The following SCN8A variants were observed in gnomAD, a reference collection of about 807,000 sequenced individuals.
The protein encoded by SCN8A is sodium channel protein type 8 subunit alpha.
Under a neutral mutation model 184.1 loss-of-function variants are expected in SCN8A, and 30 were observed. The ratio of observed to expected loss-of-function variants is 0.16; its 90% CI spans 0.12 to 0.22. The LOEUF is 0.22. SCN8A is among the 10% of genes least tolerant of loss of function. The pLI is 1.00. For synonymous variants in SCN8A, 852 were observed against 907.0 expected, an observed-to-expected ratio of 0.94 and a Z score of 1.09; for missense variants, 1,057 against 2,498.9, an observed-to-expected ratio of 0.42 and a Z score of 12.30.
chr12:51,626,139 A>C lies in SCN8A; in HGVS notation c.-55+34780A>C, dbSNP rs1281565095. The stretch of plus-strand genomic sequence containing the variant: ...CTTGGGAAAGGCAAGGCAGGGCAGG[A>C]GAAACAGGTTAGAATTGGCCAATTT... On this transcript the variant is annotated intron_variant, in intron 1 of 26. Transcript: ENST00000627620. Among the ~76,000 whole-genome samples the C allele has an allele frequency of 2.0e-5, 3 of 152,200 alleles. No individual in the cohort carries two copies. The East Asian group carries it at 5.8e-4, about 29-fold the overall frequency.
intron 11 of SCN8A, chr12:51,712,920 G>A (rs879025755): frequency 6.3e-7 from 1 of 1,588,564 alleles, no homozygotes; most frequent in Middle Eastern, 1.7e-4. Flanking sequence ...CACCTCCAAA[G>A]CTTCCTCCGC....
At chr12:51,778,739 A>G (rs549467318) in intron 20 of SCN8A, among the ~76,000 whole-genome samples, 1 of 152,308 alleles carries the variant, frequency 6.6e-6, no homozygotes, top group African/African-American at 2.4e-5. Context: ...TAGGATAGAG[A>G]TAAAAAGCAG....
intron 21 of SCN8A, among the ~76,000 whole-genome samples, chr12:51,786,124 G>GGTT: frequency 1.3e-5 from 2 of 152,096 alleles, no homozygotes; most frequent in Admixed American, 1.3e-4. Context: ...CTGTGATTTT[G>GGTT]AACAATTATA....
rs531164458 is a variant in SCN8A at position 51,638,634 on chromosome 12, G to A, written c.-54-24130G>A. 1.8e-3 allele frequency among the ~76,000 whole-genome samples: 268 copies of A among 151,964 alleles called. 1 individual carries two copies. Among genetic ancestry groups the A allele is most frequent in the African/African-American group, 6.2e-3 (256 of 41,438 alleles). ...CCTGAGTAGCTGGGACTACAGGCGC[G>A]TGCCACCACACCCAACTAATTTTTG... On this transcript the variant is annotated intron_variant, in intron 1 of 26. Transcript: ENST00000627620.
At chr12:51,729,061 G>A (rs113991264) in intron 12 of SCN8A, among the ~76,000 whole-genome samples, 2,982 of 152,188 alleles carry the variant, frequency 0.02, 62 homozygotes, top group Middle Eastern at 0.034. Flanking sequence ...TCTAAATAGC[G>A]TTTGCTTTTC....
At position 51,806,469 on chromosome 12, in the gene SCN8A, C is replaced by T. The variant is rs1938705533; in HGVS notation, c.4983C>T (p.Val1661=). The change falls in exon 27 of 27, where the codon GTC becomes GTT. Residue 1661 remains valine, a synonymous_variant. Coordinates refer to ENST00000627620, the MANE Select transcript of SCN8A (RefSeq NM_001330260.2). This position sits in a 1 kb window ranked among gnomAD's most constrained non-coding sequence, Gnocchi z 8.7. ...LFNIGLLLFL[V]MFIFSIFGMS... The stretch of plus-strand genomic sequence containing the variant: ...ACATCGGCCTTCTGCTCTTCCTGGT[C>T]ATGTTCATCTTCTCCATTTTTGGGA... 3.1e-6 allele frequency: 5 copies of T among 1,614,228 alleles called. No homozygotes were observed. Among genetic ancestry groups the T allele is most frequent in the Non-Finnish European group, 4.2e-6 (5 of 1,180,036 alleles).
intron 1 of SCN8A, among the ~76,000 whole-genome samples, chr12:51,615,310 T>C (rs1353063412): frequency 6.6e-6 from 1 of 152,154 alleles, no homozygotes; most frequent in Non-Finnish European, 1.5e-5. Context: ...ATCCAAACAC[T>C]TTGGGAGGCC....
intron 1 of SCN8A, among the ~76,000 whole-genome samples, chr12:51,634,973 A>G (rs1940283967): frequency 6.6e-6 from 1 of 152,180 alleles, no homozygotes; most frequent in Non-Finnish European, 1.5e-5. Context: ...TTAAAGCCAA[A>G]GAATGTTATT....
chr12:51,748,210 G>C (rs1176852882), intron 13 of SCN8A, among the ~76,000 whole-genome samples: 1 of 152,180 alleles, frequency 6.6e-6, no homozygotes, highest in Non-Finnish European at 1.5e-5. Context: ...ACGAATTGTA[G>C]TTCTTGCTCT....
chr12:51,706,816 C>T (rs960716437), intron 11 of SCN8A, 101 bp downstream of exon 11: 44 of 856,256 alleles, frequency 5.1e-5, no homozygotes, highest in Admixed American at 1.6e-4. Context: ...TTAAGTGTAC[C>T]GTTCAGTGTT....
intron 2 of SCN8A, among the ~76,000 whole-genome samples, chr12:51,680,777 G>A (rs548449894): frequency 1.3e-5 from 2 of 152,174 alleles, no homozygotes; most frequent in East Asian, 3.9e-4. Context: ...TGAGGCAGGC[G>A]GATCATCCGA....
At chr12:51,639,713 A>C (rs1349247984) in intron 1 of SCN8A, among the ~76,000 whole-genome samples, 1 of 152,036 alleles carries the variant, frequency 6.6e-6, no homozygotes, top group Non-Finnish European at 1.5e-5. Context: ...AAATTGCCAC[A>C]GCCATCCCAT....
At chr12:51,703,584 G>A (rs1429716286) in intron 9 of SCN8A, among the ~76,000 whole-genome samples, 2 of 152,204 alleles carry the variant, frequency 1.3e-5, no homozygotes, top group Admixed American at 6.5e-5. Flanking sequence ...ATAAAAATAA[G>A]GTCAGTAACA....
rs550553960 is a variant in SCN8A, at chr12:51,693,668, AT to A, written c.706+4574del. Among the ~76,000 whole-genome samples, 213 of 152,210 alleles carry A rather than the reference AT, an allele frequency of 1.4e-3. 1 individual carries two copies. The highest frequency in any genetic ancestry group is 0.013 in the Admixed American group (194 of 15,274). On this transcript the variant is annotated intron_variant, in intron 6 of 26. Transcript: ENST00000627620. ...TCTCTTAATGAATAAATAAATAAATATTATCATGAGGATTGCAGTTGCAGCA... is the reference window on the plus strand; with the variant it reads ...TCTCTTAATGAATAAATAAATAAATATATCATGAGGATTGCAGTTGCAGCA...
intron 1 of SCN8A, among the ~76,000 whole-genome samples, chr12:51,608,880 C>G (rs146048458): frequency 3.3e-5 from 5 of 152,280 alleles, no homozygotes; most frequent in African/African-American, 1.2e-4. Context: ...GGGCCGTGAA[C>G]TTTCCTCTTA....
At position 51,789,225 on chromosome 12, in the gene SCN8A, G is replaced by C. The variant is rs185877656; in HGVS notation, c.4282-56G>C. On this transcript the variant is annotated intron_variant, in intron 23 of 26. Transcript: ENST00000627620. ...CACAGTTACGGCTGATGGCCTTGGC[G>C]TGTCAAACTCCAAACTAGGAGCTGA... 3 of 1,597,710 alleles carry C rather than the reference G, an allele frequency of 1.9e-6. No individual in the cohort carries two copies. The Admixed American group carries it at 5.2e-5, about 27-fold the overall frequency.
Position 51,788,766 on chromosome 12 carries a change from G to A in SCN8A, c.4281+18G>A, listed in dbSNP as rs368432695. The A allele has an allele frequency of 1.6e-4, 256 of 1,602,488 alleles. 1 individual carries two copies. In the African/African-American group the frequency reaches 3.0e-3, roughly 19 times the overall value. ...CCCGGAAGGTAAGGATGTACATGGC[G>A]AAAATACCACCTTCTCAGATGGCTG... On this transcript the variant is annotated intron_variant, in intron 23 of 26. Transcript: ENST00000627620.
rs548792470 is a variant in SCN8A at position 51,779,556 on chromosome 12, C to T, written c.3820-1093C>T. 2.0e-5 allele frequency among the ~76,000 whole-genome samples: 3 copies of T among 152,130 alleles called. No individual in the cohort carries two copies. The South Asian group carries it at 6.2e-4, about 32-fold the overall frequency. ...GTTGGAATGTTGTTGTGTAACCTGC[C>T]CACTGGGGACGTGACCTGTCTGTGG... On this transcript the variant is annotated intron_variant, in intron 20 of 26. Transcript: ENST00000627620.
At chr12:51,652,943 G>T (rs1592356824) in intron 1 of SCN8A, among the ~76,000 whole-genome samples, 1 of 152,100 alleles carries the variant, frequency 6.6e-6, no homozygotes, top group African/African-American at 2.4e-5. Flanking sequence ...GCATATGTTG[G>T]GGGGCATAGT....
Sources: gnomAD v4.1 joint callset for allele counts (sites outside exome capture counted in the v4.1 genomes callset) on GRCh38, gnomAD v4.1.1 for gene constraint, Gnocchi (gnomAD v3.1) non-coding constraint, MANE v1.5 for transcripts, NCBI Gene and HGNC (gene_info 2026-07-23, HGNC 2026-07-21) for gene names.